Variants in CBFB observed in about 807,000 individuals in gnomAD.
CBFB encodes the protein CBF-beta.
In CBFB, 9 loss-of-function variants were observed where a neutral mutation model predicts 30.4. That is an observed-to-expected ratio of 0.30 (90% CI 0.18 to 0.52). The LOEUF (loss-of-function observed/expected upper bound fraction) is 0.52. CBFB is among the 20% of genes least tolerant of loss of function. The probability of loss-of-function intolerance (pLI) is 0.97; values close to 1 mark genes in which losing one functional copy is unlikely to be tolerated. For synonymous variants in CBFB, 94 were observed against 84.0 expected, an observed-to-expected ratio of 1.12 and a Z score of -0.65; for missense variants, 170 against 244.0, an observed-to-expected ratio of 0.70 and a Z score of 2.02.
chr16:67,061,452 CTG>C (rs912111370), intron 3 of CBFB, among the ~76,000 whole-genome samples: 3 of 152,156 alleles, frequency 2.0e-5, no homozygotes, highest in Non-Finnish European at 4.4e-5. Flanking sequence ...CAGTGAAAAA[CTG>C]TCTTTGTGCT....
chr16:67,064,932 CTG>C (rs942910921), intron 3 of CBFB, among the ~76,000 whole-genome samples: 1 of 151,872 alleles, frequency 6.6e-6, no homozygotes, highest in Non-Finnish European at 1.5e-5. Context: ...AAGTCTCACT[CTG>C]TCACCCAGGC....
chr16:67,085,084 A>G (rs1407127116), intron 5 of CBFB, among the ~76,000 whole-genome samples: 1 of 151,828 alleles, frequency 6.6e-6, no homozygotes, highest in Non-Finnish European at 1.5e-5. Context: ...GTTAAAATAT[A>G]TTTACTTAGA....
At position 67,061,569 on chromosome 16, in the gene CBFB, A is replaced by G. The variant is rs190389285; in HGVS notation, c.283-5113A>G. Among the ~76,000 whole-genome samples, 655 of 152,298 alleles carry G rather than the reference A, an allele frequency of 4.3e-3. 3 individuals carry two copies. Among genetic ancestry groups the G allele is most frequent in the Middle Eastern group, 6.8e-3 (2 of 294 alleles). On this transcript the variant is annotated intron_variant, in intron 3 of 5. Transcript: ENST00000412916. Reference sequence around the variant, plus strand: ...GTTGAGACAGAATTTTATTTTCTTTATACTTTGAAGTTTGGTATTCATGAA... The same window carrying G: ...GTTGAGACAGAATTTTATTTTCTTTGTACTTTGAAGTTTGGTATTCATGAA...
chr16:67,066,771 T>C lies in CBFB; in HGVS notation c.372T>C (p.Cys124=). Residue 124 remains cysteine, a synonymous_variant, in exon 4 of 6, where the codon TGT becomes TGC. Coordinates refer to ENST00000412916, the MANE Select transcript of CBFB (RefSeq NM_022845.3). ...TCCAAAGACTGGATGGTATGGGCTG[T>C]CTGGAGTTTGATGAGGAGCGAGCCC... ...IDLQRLDGMG[C]LEFDEERAQQ... is the part of the protein sequence containing the mutation. 1 of 1,608,670 alleles carries C rather than the reference T, an allele frequency of 6.2e-7. No homozygotes were observed. The highest frequency in any genetic ancestry group is 8.5e-7 in the Non-Finnish European group (1 of 1,176,988).
intron 5 of CBFB, among the ~76,000 whole-genome samples, chr16:67,083,578 G>A (rs530116550): frequency 2.0e-4 from 30 of 152,234 alleles, no homozygotes; most frequent in South Asian, 8.3e-4. Context: ...GATTACAGGC[G>A]TGAGCCACTG....
At chr16:67,082,644 A>G (rs1021568435) in intron 5 of CBFB, among the ~76,000 whole-genome samples, 10 of 152,012 alleles carry the variant, frequency 6.6e-5, no homozygotes, top group African/African-American at 2.4e-4. Flanking sequence ...ATGTTAACAG[A>G]TTGCATATTT....
intron 3 of CBFB, among the ~76,000 whole-genome samples, chr16:67,049,840 T>A (rs1002863812): frequency 2.6e-5 from 4 of 152,130 alleles, no homozygotes; most frequent in Non-Finnish European, 1.5e-5. Flanking sequence ...GTTTACATTA[T>A]CACTAATTCT....
At position 67,041,582 on chromosome 16, in the gene CBFB, A is replaced by C. The variant is rs1023088508; in HGVS notation, c.282+4827A>C. Among the ~76,000 whole-genome samples the C allele has an allele frequency of 3.3e-5, 5 of 152,062 alleles. No homozygotes were observed. In the East Asian group the frequency reaches 9.6e-4, roughly 29 times the overall value. On this transcript the variant is annotated intron_variant, in intron 3 of 5. Coordinates refer to ENST00000412916, the MANE Select transcript of CBFB (RefSeq NM_022845.3). ...GTGCCACTGCACTCCAGCCTGGGCA[A>C]CAAGAGTGAAACTCCATCTCAAAAA...
chr16:67,093,998 TC>T (rs772008888), intron 5 of CBFB, among the ~76,000 whole-genome samples: 4 of 152,232 alleles, frequency 2.6e-5, no homozygotes, highest in Non-Finnish European at 5.9e-5. Context: ...TAAATCTGTT[TC>T]TGTATTTGTT....
At chr16:67,046,058 A>G (rs1039970067) in intron 3 of CBFB, among the ~76,000 whole-genome samples, 1 of 151,758 alleles carries the variant, frequency 6.6e-6, no homozygotes, top group African/African-American at 2.4e-5. Flanking sequence ...GGCCTCCCAA[A>G]GTGTTGGGAT....
At chr16:67,074,200 A>G (rs1483420326) in intron 4 of CBFB, among the ~76,000 whole-genome samples, 1 of 151,168 alleles carries the variant, frequency 6.6e-6, no homozygotes, top group African/African-American at 2.4e-5. Flanking sequence ...TATACCAGCA[A>G]TAAACAAAGA....
rs181998457 is a variant in CBFB at position 67,076,756 on chromosome 16, A to G, written c.400-5457A>G. Reference sequence around the variant, plus strand: ...TTTGGCACTTTACCATTGAATAATCAGAGATTTCCAACTAATTTTAAACAA... The same window carrying G: ...TTTGGCACTTTACCATTGAATAATCGGAGATTTCCAACTAATTTTAAACAA... On this transcript the variant is annotated intron_variant, in intron 4 of 5. Transcript: ENST00000412916. 7.9e-5 allele frequency among the ~76,000 whole-genome samples: 12 copies of G among 152,338 alleles called. No individual in the cohort carries two copies. In the East Asian group the frequency reaches 2.1e-3, roughly 27 times the overall value.
At chr16:67,055,652 G>C (rs928516485) in intron 3 of CBFB, among the ~76,000 whole-genome samples, 1 of 151,940 alleles carries the variant, frequency 6.6e-6, no homozygotes, top group Non-Finnish European at 1.5e-5. Flanking sequence ...CACCACACCC[G>C]GCCTCCAGAC....
chr16:67,054,940 T>A (rs1211673098), intron 3 of CBFB, among the ~76,000 whole-genome samples: 1 of 151,636 alleles, frequency 6.6e-6, no homozygotes, highest in Non-Finnish European at 1.5e-5. Context: ...ATTTTTTTTT[T>A]TTTTTTTAGT....
intron 5 of CBFB, among the ~76,000 whole-genome samples, chr16:67,090,298 C>T (rs1961847769): frequency 6.6e-6 from 1 of 152,128 alleles, no homozygotes; most frequent in Non-Finnish European, 1.5e-5. Flanking sequence ...AAAAAGAAGG[C>T]TTTTAAAAAT....
intron 4 of CBFB, among the ~76,000 whole-genome samples, chr16:67,067,433 G>A (rs1010836674): frequency 8.5e-5 from 13 of 152,082 alleles, no homozygotes; most frequent in South Asian, 2.1e-4. Context: ...CACGAGAATC[G>A]CTCGAACCCA....
intron 4 of CBFB, among the ~76,000 whole-genome samples, chr16:67,073,354 AT>A (rs1436537130): frequency 6.6e-6 from 1 of 152,144 alleles, no homozygotes; most frequent in Non-Finnish European, 1.5e-5. Context: ...TCTATTTATG[AT>A]TCTTCTGAAA....
intron 5 of CBFB, among the ~76,000 whole-genome samples, chr16:67,083,575 GGCGTGA>G (rs377115456): frequency 6.6e-6 from 1 of 152,240 alleles, no homozygotes; most frequent in Non-Finnish European, 1.5e-5. Flanking sequence ...ATTGATTACA[GGCGTGA>G]GCCACTGCGT....
chr16:67,047,473 G>A (rs996831939), intron 3 of CBFB, among the ~76,000 whole-genome samples: 1 of 152,142 alleles, frequency 6.6e-6, no homozygotes, highest in Non-Finnish European at 1.5e-5. Flanking sequence ...GTAAAGACAG[G>A]TTAATCTTCA....
Sources: allele counts gnomAD v4.1 joint callset (sites outside exome capture counted in the v4.1 genomes callset), GRCh38; gene constraint gnomAD v4.1.1; transcripts MANE v1.5; gene names NCBI Gene and HGNC (gene_info 2026-07-23, HGNC 2026-07-21).